The following LINGO2 variants were observed in gnomAD, a reference collection of about 807,000 sequenced individuals.
The protein encoded by LINGO2 is leucine rich repeat and Ig domain containing 2.
LINGO2 carries 14 observed loss-of-function variants against 30.6 expected under a neutral mutation model. The observed-to-expected ratio is 0.46, with a 90% CI of 0.30 to 0.72. The LOEUF (loss-of-function observed/expected upper bound fraction) is 0.72. Ranked by LOEUF, LINGO2 falls within the 30% of genes least tolerant of loss-of-function variation. The probability of loss-of-function intolerance (pLI) is 0.07; values close to 1 mark genes in which losing one functional copy is unlikely to be tolerated. For missense variants in LINGO2, 729 were observed against 751.7 expected (o/e 0.97, Z 0.35); for synonymous variants, 317 against 288.5 (o/e 1.10, Z -1.00).
intron 4 of LINGO2, among the ~76,000 whole-genome samples, chr9:28,258,977 A>G (rs1314730377): frequency 6.6e-6 from 1 of 151,612 alleles, no homozygotes; most frequent in Non-Finnish European, 1.5e-5. Context: ...TTGGTCCCAT[A>G]CCAACTTTAT....
At chr9:29,143,522 A>G in the LINGO2 span, among the ~76,000 whole-genome samples, 1 of 152,250 alleles carries the variant, frequency 6.6e-6, no homozygotes, top group East Asian at 1.9e-4. Context: ...ATATAATGAA[A>G]TACTCTTAGA....
At chr9:28,850,104 T>G in the LINGO2 span, among the ~76,000 whole-genome samples, 2 of 151,994 alleles carry the variant, frequency 1.3e-5, no homozygotes, top group Non-Finnish European at 1.5e-5. Flanking sequence ...TATGGATACT[T>G]AATTAAATGG....
At chr9:28,963,543 T>TACACAC in the LINGO2 span, among the ~76,000 whole-genome samples, 14,891 of 140,746 alleles carry the variant, frequency 0.11, 809 homozygotes, top group South Asian at 0.12. Flanking sequence ...GGTATATGAA[T>TACACAC]ACACACACAC....
At chr9:28,671,821 A>G (rs77992293), upstream of LINGO2, among the ~76,000 whole-genome samples, 1,428 of 152,208 alleles carry the variant, frequency 9.4e-3, 30 homozygotes, top group East Asian at 0.082. Flanking sequence ...TAAGAAGTAT[A>G]ACTTTGTCAA....
chr9:28,464,461 T>C (rs1257961848), intron 2 of LINGO2, among the ~76,000 whole-genome samples: 2 of 152,192 alleles, frequency 1.3e-5, no homozygotes, highest in African/African-American at 2.4e-5. Flanking sequence ...ATGGCTGTCA[T>C]CCTCAATGAT....
At chr9:28,028,876 C>A (rs942700820) in intron 4 of LINGO2, among the ~76,000 whole-genome samples, 2 of 152,078 alleles carry the variant, frequency 1.3e-5, no homozygotes, top group Non-Finnish European at 2.9e-5. Context: ...CACACAAGCA[C>A]ACATTTGTAA....
intron 4 of LINGO2, among the ~76,000 whole-genome samples, chr9:28,066,213 A>G (rs1272011666): frequency 1.3e-5 from 2 of 152,044 alleles, no homozygotes; most frequent in Non-Finnish European, 2.9e-5. Flanking sequence ...AATTTTCTCC[A>G]TGATTTTGAT....
chr9:28,873,379 CAAAAAAAAAAAGAAA>C, the LINGO2 span, among the ~76,000 whole-genome samples: 32 of 93,400 alleles, frequency 3.4e-4, no homozygotes, highest in Non-Finnish European at 5.6e-4. Flanking sequence ...GACTCAGTCT[CAAAAAAAAAAAGAAA>C]AAAAAAAAAA....
At chr9:28,278,164 T>G (rs1823195596) in intron 4 of LINGO2, among the ~76,000 whole-genome samples, 1 of 152,068 alleles carries the variant, frequency 6.6e-6, no homozygotes, top group Admixed American at 6.6e-5. Flanking sequence ...GTAAGAAAGC[T>G]GCAGGAAAAA....
chr9:28,476,044 T>G lies in LINGO2; in HGVS notation c.-364-19A>C, dbSNP rs1271388533. ...TTCCAGGCTGCCAAAAAATAGGAAATGAAAAGAAAAATGACACTCGCTTGC... is the reference window on the plus strand; with the variant it reads ...TTCCAGGCTGCCAAAAAATAGGAAAGGAAAAGAAAAATGACACTCGCTTGC... On this transcript the variant is annotated intron_variant, in intron 1 of 5. Coordinates refer to ENST00000379992, the Ensembl canonical transcript of LINGO2. 6.6e-6 allele frequency: 1 copy of G among 152,412 alleles called. No individual in the cohort carries two copies. Among genetic ancestry groups the G allele is most frequent in the Non-Finnish European group, 1.5e-5 (1 of 68,006 alleles). 9.4% of individuals were successfully genotyped at this position (152,412 alleles called of 1,614,324 possible).
chr9:28,312,213 T>C (rs1206208197), intron 3 of LINGO2, among the ~76,000 whole-genome samples: 1 of 151,286 alleles, frequency 6.6e-6, no homozygotes, highest in Non-Finnish European at 1.5e-5. Context: ...TTTGAAATTG[T>C]CCTTACCGAG....
At chr9:28,168,486 T>A (rs569983894) in intron 4 of LINGO2, among the ~76,000 whole-genome samples, 2 of 152,344 alleles carry the variant, frequency 1.3e-5, no homozygotes, top group Admixed American at 1.3e-4. Flanking sequence ...ACCAACTTCA[T>A]GTGTTTGTTA....
chr9:28,253,169 T>A (rs1235423959), intron 4 of LINGO2, among the ~76,000 whole-genome samples: 1 of 152,138 alleles, frequency 6.6e-6, no homozygotes, highest in Non-Finnish European at 1.5e-5. Context: ...ATAGTACATA[T>A]ATTGATTTTC....
intron 2 of LINGO2, among the ~76,000 whole-genome samples, chr9:28,471,891 A>G (rs929152820): frequency 2.0e-5 from 3 of 152,202 alleles, no homozygotes; most frequent in Non-Finnish European, 4.4e-5. Context: ...TGAAAATTAA[A>G]CTATTGCCAC....
chr9:28,831,936 A>G, the LINGO2 span, among the ~76,000 whole-genome samples: 2 of 152,218 alleles, frequency 1.3e-5, no homozygotes, highest in Non-Finnish European at 2.9e-5. Context: ...ATAAATTGGT[A>G]AAGAATGATT....
chr9:29,084,271 G>T, the LINGO2 span, among the ~76,000 whole-genome samples: 3 of 152,030 alleles, frequency 2.0e-5, no homozygotes, highest in African/African-American at 7.2e-5. Context: ...GGAGAAATTG[G>T]ACAATGAAGT....
intron 4 of LINGO2, among the ~76,000 whole-genome samples, chr9:28,118,470 C>T (rs1361286598): frequency 6.6e-6 from 1 of 152,100 alleles, no homozygotes; most frequent in Non-Finnish European, 1.5e-5. Context: ...GAAGGCAGTG[C>T]TTCTAACAGT....
the LINGO2 span, among the ~76,000 whole-genome samples, chr9:28,689,644 G>T: frequency 2.7e-5 from 4 of 150,878 alleles, no homozygotes; most frequent in South Asian, 8.3e-4. Flanking sequence ...GGAAGACAGT[G>T]TGGCAATTCT....
chr9:28,922,762 G>C, the LINGO2 span, among the ~76,000 whole-genome samples: 1 of 152,166 alleles, frequency 6.6e-6, no homozygotes, highest in African/African-American at 2.4e-5. Flanking sequence ...ATCTTGAGCT[G>C]TGCATAGCTT....
Sources: gnomAD v4.1 joint callset for allele counts (sites outside exome capture counted in the v4.1 genomes callset) on GRCh38, gnomAD v4.1.1 for gene constraint, MANE v1.5 for transcripts, NCBI Gene and HGNC (gene_info 2026-07-23, HGNC 2026-07-21) for gene names.